The following NID2 variants were observed in gnomAD, a reference collection of about 807,000 sequenced individuals.
NID2 encodes nidogen-2.
In NID2, 83 loss-of-function variants were observed where a neutral mutation model predicts 145.4. That is an observed-to-expected ratio of 0.57 (90% CI 0.48 to 0.69). NID2 has a LOEUF of 0.69. Ranked by LOEUF, NID2 falls within the 30% of genes least tolerant of loss-of-function variation. The pLI, the probability that NID2 is intolerant of heterozygous loss-of-function variation, is 0.00. For missense variants in NID2, 1,807 were observed against 1,765.7 expected (o/e 1.02, Z -0.42); for synonymous variants, 739 against 701.3 (o/e 1.05, Z -0.85).
At chr14:52,025,585 G>A (rs61971555) in intron 12 of NID2, among the ~76,000 whole-genome samples, 36,501 of 152,120 alleles carry the variant, frequency 0.24, 4,443 homozygotes, top group African/African-American at 0.25. Flanking sequence ...GAAGTCTAAG[G>A]TCAAGGGTTG....
chr14:52,053,589 G>A lies in NID2; in HGVS notation c.1419C>T (p.Ser473=). ...YEVGLEDNIG[S]NTEVFTYNAA... is the part of the protein sequence containing the mutation. ...TTCTAATGCACTCACCCTCGGTGTT[G>A]GAACCTATGTTGTCTTCCAGTCCCA... Residue 473 remains serine, a synonymous_variant, in exon 5 of 22, where the codon TCC becomes TCT. Transcript: ENST00000216286. 6.2e-7 allele frequency: 1 copy of A among 1,613,180 alleles called. No individual in the cohort carries two copies. Among genetic ancestry groups the A allele is most frequent in the Non-Finnish European group, 8.5e-7 (1 of 1,179,352 alleles).
chr14:52,029,744 T>C (rs1369764038), intron 9 of NID2, 54 bp from the exon 10 acceptor site: 2 of 1,527,498 alleles, frequency 1.3e-6, no homozygotes, highest in African/African-American at 2.7e-5. Flanking sequence ...TAAGCAAATG[T>C]CACGGAGATA....
chr14:52,066,321 C>CAAAAAA (rs34875276), intron 2 of NID2, among the ~76,000 whole-genome samples: 7 of 133,852 alleles, frequency 5.2e-5, no homozygotes, highest in African/African-American at 1.9e-4. Context: ...TAACGGGTAC[C>CAAAAAA]AAAAAAAAAA....
Position 52,027,189 on chromosome 14 carries a change from G to C in NID2, c.2674+12C>G. 1 of 1,482,550 alleles carries C rather than the reference G, an allele frequency of 6.7e-7. No individual in the cohort carries two copies. The highest frequency in any genetic ancestry group is 1.4e-5 in the African/African-American group (1 of 69,228). The allele number at this position is 1,482,550 out of a possible 1,614,324, so 91.8% of individuals were successfully genotyped here. ...ACTTTCCAGTCATTGAGGCTGACCT[G>C]CAGTTACTCACCAGTGCACTGGTGC... On this transcript the variant is annotated intron_variant, in intron 12 of 21. Transcript: ENST00000216286.
At chr14:52,006,284 A>G in intron 20 of NID2, 2 of 449,258 alleles carry the variant, frequency 4.5e-6, no homozygotes, top group South Asian at 5.5e-5. Context: ...ACATTATCCA[A>G]TAGCTTTGCT....
At chr14:52,062,423 T>C (rs1893045497) in intron 2 of NID2, among the ~76,000 whole-genome samples, 1 of 152,190 alleles carries the variant, frequency 6.6e-6, no homozygotes, top group African/African-American at 2.4e-5. Flanking sequence ...AAGCCACAAC[T>C]ACTGCCAAAT....
chr14:52,035,881 T>TATATATA (rs1294844874), intron 9 of NID2, among the ~76,000 whole-genome samples: 6 of 49,530 alleles, frequency 1.2e-4, no homozygotes, highest in South Asian at 6.9e-4. Flanking sequence ...TATATATATG[T>TATATATA]TTTATTTTGT....
At chr14:52,054,445 T>C in intron 3 of NID2, 124 bp from the exon 4 acceptor site, 1 of 994,104 alleles carries the variant, frequency 1.0e-6, no homozygotes, top group Admixed American at 2.7e-5. Flanking sequence ...CTCACACTTA[T>C]AATCCCAGCA....
chr14:52,038,334 A>G (rs1022804094), intron 9 of NID2, among the ~76,000 whole-genome samples: 1 of 152,164 alleles, frequency 6.6e-6, no homozygotes, highest in Admixed American at 6.5e-5. Flanking sequence ...CATCTGTTTT[A>G]GCTAAAATGT....
Position 52,042,306 on chromosome 14 carries a change from C to A in NID2, c.1624G>T (p.Val542Leu). 6.2e-7 allele frequency: 1 copy of A among 1,613,514 alleles called. No individual in the cohort carries two copies. Among genetic ancestry groups the A allele is most frequent in the Non-Finnish European group, 8.5e-7 (1 of 1,179,558 alleles). ...GTGAAGTGCACGGGTGTATGGCCCA[C>A]GTGGAGGTGGCCACTCACTTTCCCA... is the stretch of plus-strand genomic sequence containing the variant. ...VNGKVSGHLHVGHTPVHFTDV... is the reference protein window; with the variant it reads ...VNGKVSGHLHLGHTPVHFTDV... Residue 542 changes from valine (V) to leucine (L), a missense_variant, in exon 7 of 22, where the codon GTG becomes TTG. Coordinates refer to ENST00000216286, the MANE Select transcript of NID2 (RefSeq NM_007361.4).
chr14:52,015,295 G>T lies in NID2; in HGVS notation c.3029-20C>A, dbSNP rs770323071. 1 of 1,588,756 alleles carries T rather than the reference G, an allele frequency of 6.3e-7. No individual in the cohort carries two copies. The highest frequency in any genetic ancestry group is 2.3e-5 in the East Asian group (1 of 44,354). Reference sequence around the variant, plus strand: ...TGGGCTCTGAGCAGATGGGGAAGAGGGAAGAAGAAAAACCTTTGATTGTGA... The same window carrying T: ...TGGGCTCTGAGCAGATGGGGAAGAGTGAAGAAGAAAAACCTTTGATTGTGA... On this transcript the variant is annotated intron_variant, in intron 14 of 21. Coordinates refer to ENST00000216286, the MANE Select transcript of NID2 (RefSeq NM_007361.4).
intron 16 of NID2, among the ~76,000 whole-genome samples, chr14:52,012,241 C>T (rs1268866894): frequency 6.6e-6 from 1 of 152,160 alleles, no homozygotes; most frequent in African/African-American, 2.4e-5. Context: ...CTTTCCTCTA[C>T]CTGAAGTACA....
At chr14:52,058,037 T>C (rs2140428227) in intron 3 of NID2, among the ~76,000 whole-genome samples, 1 of 152,372 alleles carries the variant, frequency 6.6e-6, no homozygotes, top group Admixed American at 6.5e-5. Context: ...AATTCCACTT[T>C]TAAGAATTTG....
intron 9 of NID2, among the ~76,000 whole-genome samples, chr14:52,029,940 G>A (rs1321222301): frequency 3.9e-5 from 6 of 152,076 alleles, no homozygotes; most frequent in Non-Finnish European, 8.8e-5. Flanking sequence ...TTGCATCCAG[G>A]GAATAAAAAC....
chr14:52,043,075 A>G lies in NID2; in HGVS notation c.1430-144T>C, dbSNP rs1892345593. 4 of 742,748 alleles carry G rather than the reference A, an allele frequency of 5.4e-6. No homozygotes were observed. The East Asian group carries it at 8.2e-5, about 15-fold the overall frequency. 46.0% of individuals were successfully genotyped at this position (742,748 alleles called of 1,614,324 possible). A position where few individuals can be genotyped will look rare whatever the true frequency, so the allele number is the denominator to read the frequency against. On this transcript the variant is annotated intron_variant, in intron 5 of 21. Transcript: ENST00000216286. The stretch of plus-strand genomic sequence containing the variant: ...GTTTAAGAGACCGGCATAACATTCA[A>G]CCCAAGGGAATTAATCTGCTTTGTC...
At chr14:52,054,527 C>T (rs1892786508) in intron 3 of NID2, among the ~76,000 whole-genome samples, 2 of 152,140 alleles carry the variant, frequency 1.3e-5, no homozygotes, top group South Asian at 4.1e-4. Context: ...CATAGTGAGA[C>T]CCTGCCTCTA....
At chr14:52,012,045 A>T (rs1363025862) in intron 16 of NID2, 3 of 106,178 alleles carry the variant, frequency 2.8e-5, no homozygotes, top group Non-Finnish European at 7.1e-5. Flanking sequence ...TGATGATTTA[A>T]AAAAAAAAAA....
chr14:52,029,633 G>A lies in NID2; in HGVS notation c.2315C>T (p.Thr772Ile), dbSNP rs1384376634. The change falls in exon 10 of 22, where the codon ACA (threonine) becomes ATA (isoleucine). Residue 772 changes from threonine (T) to isoleucine (I), a missense_variant. By Grantham distance (89) the Thr-to-Ile change is moderately conservative. Coordinates refer to ENST00000216286, the MANE Select transcript of NID2 (RefSeq NM_007361.4). ...TGTCCCTGGATGGCACCGTGCTGTTGTGTCACACATGTGGCTCCCATCATA... is the reference window on the plus strand; with the variant it reads ...TGTCCCTGGATGGCACCGTGCTGTTATGTCACACATGTGGCTCCCATCATA... The part of the protein sequence containing the change: ...PCYDGSHMCD[T>I]TARCHPGTGV... The A allele has an allele frequency of 6.2e-7, 1 of 1,614,130 alleles. No homozygotes were observed. Among genetic ancestry groups the A allele is most frequent in the Admixed American group, 1.7e-5 (1 of 60,034 alleles).
intron 12 of NID2, among the ~76,000 whole-genome samples, chr14:52,024,203 C>G (rs979774734): frequency 1.3e-5 from 2 of 152,198 alleles, no homozygotes; most frequent in Non-Finnish European, 2.9e-5. Flanking sequence ...CCCCAACAGT[C>G]CCTACCTAGT....
Sources: gnomAD v4.1 joint callset for allele counts (sites outside exome capture counted in the v4.1 genomes callset) on GRCh38, gnomAD v4.1.1 for gene constraint, MANE v1.5 for transcripts, NCBI Gene and HGNC (gene_info 2026-07-23, HGNC 2026-07-21) for gene names.